RBPJ: variants seen among roughly 807,000 people sequenced by gnomAD.
RBPJ encodes the protein recombination signal binding protein for immunoglobulin kappa J region.
Under a neutral mutation model 67.8 loss-of-function variants are expected in RBPJ, and 9 were observed. The observed-to-expected ratio is 0.13, with a 90% CI of 0.08 to 0.23. The LOEUF is 0.23. Ranked by LOEUF, RBPJ falls within the 10% of genes least tolerant of loss-of-function variation. The pLI is 1.00. For synonymous variants in RBPJ, 198 were observed against 203.3 expected (o/e 0.97, Z 0.22); for missense variants, 305 against 595.6 (o/e 0.51, Z 5.08).
At chr4:26,291,039 C>G (rs1721650541) in intron 1 of RBPJ, among the ~76,000 whole-genome samples, 2 of 150,940 alleles carry the variant, frequency 1.3e-5, no homozygotes, top group African/African-American at 4.9e-5. Flanking sequence ...GAAGGCTTTG[C>G]TCTCTGTTTA....
At chr4:26,354,748 C>T (rs775330492) in intron 1 of RBPJ, among the ~76,000 whole-genome samples, 1 of 151,932 alleles carries the variant, frequency 6.6e-6, no homozygotes, top group Non-Finnish European at 1.5e-5. Flanking sequence ...CATGCCTGGC[C>T]GGCAAAGAGA....
upstream of RBPJ, chr4:26,319,971 A>T: frequency 1.6e-6 from 2 of 1,256,946 alleles, no homozygotes; most frequent in Non-Finnish European, 2.2e-6. Context: ...GGCTTCCGGG[A>T]TCAGGCCGCC....
the RBPJ span, among the ~76,000 whole-genome samples, chr4:26,155,591 C>A: frequency 6.6e-6 from 1 of 152,054 alleles, no homozygotes; most frequent in African/African-American, 2.4e-5. Flanking sequence ...TGCACCACCA[C>A]GCCTGGCTAA....
rs114481271 is a variant in RBPJ at position 26,405,575 on chromosome 4, C to T, written c.60-600C>T. 4.2e-3 allele frequency among the ~76,000 whole-genome samples: 643 copies of T among 151,910 alleles called. 5 individuals carry two copies. Among genetic ancestry groups the T allele is most frequent in the African/African-American group, 0.015 (609 of 41,468 alleles). ...TTTTTTTCAAAATTCAGATTTTCAC[C>T]GATTTCAATTACTTTATTAAATTTT... On this transcript the variant is annotated intron_variant, in intron 2 of 10. Coordinates refer to ENST00000355476, the MANE Select transcript of RBPJ (RefSeq NM_015874.6).
intron 1 of RBPJ, among the ~76,000 whole-genome samples, chr4:26,334,869 C>T (rs1165274443): frequency 6.6e-6 from 1 of 152,190 alleles, no homozygotes; most frequent in Non-Finnish European, 1.5e-5. Flanking sequence ...TGCTACTTCT[C>T]TTCCAATCTT....
intron 1 of RBPJ, among the ~76,000 whole-genome samples, chr4:26,340,456 C>A (rs920241249): frequency 6.6e-6 from 1 of 152,176 alleles, no homozygotes; most frequent in Non-Finnish European, 1.5e-5. Context: ...ACTGCACGAT[C>A]TTGAGAAGGA....
intron 2 of RBPJ, among the ~76,000 whole-genome samples, chr4:26,389,053 C>T (rs1249956157): frequency 1.3e-5 from 2 of 151,786 alleles, no homozygotes; most frequent in Non-Finnish European, 2.9e-5. Context: ...GAAACCGTGT[C>T]TGTACCAGAA....
At chr4:26,244,687 G>T (rs988532330) in intron 1 of RBPJ, among the ~76,000 whole-genome samples, 1 of 151,914 alleles carries the variant, frequency 6.6e-6, no homozygotes, top group Non-Finnish European at 1.5e-5. Context: ...GAGTGCAGTG[G>T]AGCAATCTCA....
At position 26,390,811 on chromosome 4, in the gene RBPJ, T is replaced by C. The variant is rs542894463; in HGVS notation, c.59+4420T>C. Among the ~76,000 whole-genome samples the C allele has an allele frequency of 1.5e-4, 23 of 152,294 alleles. No individual in the cohort carries two copies. In the South Asian group the frequency reaches 4.1e-3, roughly 27 times the overall value. ...GGTTCACACCTATAATCCCAGTACA[T>C]TGAAAGGCCAAGGTGTGAGGATCAC... On this transcript the variant is annotated intron_variant, in intron 2 of 10. Transcript: ENST00000355476.
chr4:26,332,145 T>C (rs1288164253), intron 1 of RBPJ, among the ~76,000 whole-genome samples: 1 of 152,228 alleles, frequency 6.6e-6, no homozygotes, highest in African/African-American at 2.4e-5. Flanking sequence ...ACTTACAGCT[T>C]ATAATAATGA....
Position 26,290,426 on chromosome 4 carries a change from T to C in RBPJ, c.-166-72020T>C, listed in dbSNP as rs1055944822. On this transcript the variant is annotated intron_variant, in intron 1 of 4. Coordinates refer to the RBPJ transcript ENST00000512351. Reference sequence around the variant, plus strand: ...TGGCTTTAAGGATGAGATGCCAATATGCATTCTTGTCCCAGTAGAGAGCCA... The same window carrying C: ...TGGCTTTAAGGATGAGATGCCAATACGCATTCTTGTCCCAGTAGAGAGCCA... 3.3e-5 allele frequency among the ~76,000 whole-genome samples: 5 copies of C among 150,226 alleles called. 1 individual carries two copies. Among genetic ancestry groups the C allele is most frequent in the Non-Finnish European group, 7.4e-5 (5 of 67,486 alleles).
chr4:26,267,121 G>A (rs533021439), intron 1 of RBPJ, among the ~76,000 whole-genome samples: 3 of 152,222 alleles, frequency 2.0e-5, no homozygotes, highest in East Asian at 1.9e-4. Flanking sequence ...TATTGACTTC[G>A]CCTCTTCTTC....
intron 1 of RBPJ, among the ~76,000 whole-genome samples, chr4:26,266,152 G>A (rs1450527455): frequency 6.6e-6 from 1 of 152,120 alleles, no homozygotes; most frequent in Non-Finnish European, 1.5e-5. Flanking sequence ...TTCCCTGGCA[G>A]ACTGTCCTGC....
chr4:26,263,791 C>G lies in RBPJ; in HGVS notation c.-166-98655C>G, dbSNP rs577309986. 7.4e-4 allele frequency among the ~76,000 whole-genome samples: 112 copies of G among 151,858 alleles called. 2 individuals carry two copies. Among genetic ancestry groups the G allele is most frequent in the African/African-American group, 2.3e-3 (97 of 41,404 alleles). On this transcript the variant is annotated intron_variant, in intron 1 of 4. Coordinates refer to the RBPJ transcript ENST00000512351. ...TTCACCATATTGGCCGGGCTGGTCT[C>G]GAACTCCTGACCTCGTGATCTGCCC... is the stretch of plus-strand genomic sequence containing the variant.
chr4:26,346,266 T>A (rs1467197080), intron 1 of RBPJ, among the ~76,000 whole-genome samples: 2 of 152,200 alleles, frequency 1.3e-5, no homozygotes, highest in African/African-American at 4.8e-5. Flanking sequence ...GAGAGGGGAC[T>A]TCCAGAGAGG....
At chr4:26,247,599 G>A (rs947944552) in intron 1 of RBPJ, among the ~76,000 whole-genome samples, 6 of 151,864 alleles carry the variant, frequency 4.0e-5, no homozygotes, top group African/African-American at 7.3e-5. Flanking sequence ...TAGTAGAGGC[G>A]GGGTTTCTCC....
intron 1 of RBPJ, among the ~76,000 whole-genome samples, chr4:26,309,392 A>G (rs1314113064): frequency 6.6e-6 from 1 of 152,250 alleles, no homozygotes; most frequent in Non-Finnish European, 1.5e-5. Context: ...CATCTAACAG[A>G]TAACAAAACT....
chr4:26,174,651 G>C (rs1716731748), intron 1 of RBPJ, among the ~76,000 whole-genome samples: 1 of 152,062 alleles, frequency 6.6e-6, no homozygotes, highest in African/African-American at 2.4e-5. Context: ...TATACTTTTA[G>C]TAGAGATGGG....
intron 1 of RBPJ, among the ~76,000 whole-genome samples, chr4:26,170,542 T>TAA (rs147313399): frequency 4.8e-4 from 60 of 125,722 alleles, no homozygotes; most frequent in South Asian, 4.1e-3. Flanking sequence ...AGGCCCTGTC[T>TAA]AAAAAAAAAA....
Sources: gnomAD v4.1 joint callset for allele counts (sites outside exome capture counted in the v4.1 genomes callset) on GRCh38, gnomAD v4.1.1 for gene constraint, MANE v1.5 for transcripts, NCBI Gene and HGNC (gene_info 2026-07-23, HGNC 2026-07-21) for gene names.